The following TFEB variants were observed in gnomAD, a reference collection of about 807,000 sequenced individuals.
TFEB encodes the protein transcription factor EB.
TFEB carries 12 observed loss-of-function variants against 48.0 expected under a neutral mutation model. The ratio of observed to expected loss-of-function variants is 0.25; its 90% CI spans 0.16 to 0.40. The LOEUF is 0.40. Ranked by LOEUF, TFEB falls within the 10% of genes least tolerant of loss-of-function variation. TFEB has a pLI of 1.00. For missense variants in TFEB, 509 were observed against 640.3 expected (o/e 0.79, Z 2.21); for synonymous variants, 244 against 261.4 (o/e 0.93, Z 0.64).
At chr6:41,736,126 T>C (rs777680609), upstream of TFEB, 7 of 1,612,908 alleles carry the variant, frequency 4.3e-6, no homozygotes, top group East Asian at 1.6e-4. Context: ...TTATGGGTTC[T>C]ACATTCACGC....
intron 4 of TFEB, chr6:41,688,279 A>T: frequency 2.2e-6 from 1 of 457,386 alleles, no homozygotes; most frequent in Non-Finnish European, 3.9e-6. Context: ...ATAATATGTG[A>T]TAGGATTAGG....
At chr6:41,690,135 C>CT (rs58821024) in intron 3 of TFEB, among the ~76,000 whole-genome samples, 171 of 145,784 alleles carry the variant, frequency 1.2e-3, no homozygotes, top group Middle Eastern at 3.6e-3. Flanking sequence ...TTTCTTTTTT[C>CT]TTTTTTTTTT....
At chr6:41,728,719 G>C (rs1045611195) in intron 1 of TFEB, among the ~76,000 whole-genome samples, 1 of 152,092 alleles carries the variant, frequency 6.6e-6, no homozygotes, top group African/African-American at 2.4e-5. Flanking sequence ...ACTCTCTGTG[G>C]GGAGGAACAG....
chr6:41,723,339 C>A lies in TFEB; in HGVS notation c.-23+12011G>T. The A allele has an allele frequency of 3.4e-6, 2 of 592,898 alleles. No homozygotes were observed. Among genetic ancestry groups the A allele is most frequent in the South Asian group, 1.6e-5 (1 of 63,408 alleles). The allele number at this position is 592,898 out of a possible 1,614,324, so 36.7% of individuals were successfully genotyped here. A position where few individuals can be genotyped will look rare whatever the true frequency, so the allele number is the denominator to read the frequency against. On this transcript the variant is annotated intron_variant, in intron 1 of 8. Transcript: ENST00000373033. The surrounding 1 kb of genome is among the most constrained non-coding windows in gnomAD (Gnocchi z 6.0). Reference sequence around the variant, plus strand: ...CCCTACCCACCCACCTCCCCAAAGACACCACACGCATGCACATACACTCAC... The same window carrying A: ...CCCTACCCACCCACCTCCCCAAAGAAACCACACGCATGCACATACACTCAC...
At chr6:41,725,972 G>T (rs1020083650) in intron 1 of TFEB, among the ~76,000 whole-genome samples, 3 of 152,174 alleles carry the variant, frequency 2.0e-5, no homozygotes, top group African/African-American at 7.2e-5. Flanking sequence ...GGCCAGGCCC[G>T]GCGGCTCACG....
intron 1 of TFEB, among the ~76,000 whole-genome samples, chr6:41,714,109 A>G (rs1169569751): frequency 1.4e-5 from 2 of 139,262 alleles, no homozygotes; most frequent in Non-Finnish European, 3.1e-5. Flanking sequence ...GTGTGTGTGC[A>G]CGTGTGTGTG....
chr6:41,724,630 G>A lies in TFEB; in HGVS notation c.-23+10720C>T, dbSNP rs1771130018. ...GGACCTCTGGCTCCCGCCCCTTGCC[G>A]CCCGAGACCTGCAATGGGGCCTCAG... On this transcript the variant is annotated intron_variant, in intron 1 of 8. Coordinates refer to ENST00000373033, the MANE Select transcript of TFEB (RefSeq NM_001271944.2). This position sits in a 1 kb window ranked among gnomAD's most constrained non-coding sequence, Gnocchi z 4.4. Among the ~76,000 whole-genome samples, 1 of 152,108 alleles carries A rather than the reference G, an allele frequency of 6.6e-6. No individual in the cohort carries two copies. The highest frequency in any genetic ancestry group is 2.1e-4 in the South Asian group (1 of 4,826).
chr6:41,689,862 G>C, intron 3 of TFEB, 51 bp from the exon 4 acceptor site: 1 of 1,488,344 alleles, frequency 6.7e-7, no homozygotes, highest in Non-Finnish European at 9.4e-7. Context: ...AGGTGGGCAG[G>C]GGAAAGAGGC....
At chr6:41,700,389 C>G (rs1366731369) in intron 1 of TFEB, among the ~76,000 whole-genome samples, 1 of 151,554 alleles carries the variant, frequency 6.6e-6, no homozygotes, top group South Asian at 2.1e-4. Flanking sequence ...TGGCGTGAAC[C>G]CGGGAGGCGG....
chr6:41,714,709 C>G (rs1770657657), intron 1 of TFEB, among the ~76,000 whole-genome samples: 1 of 152,298 alleles, frequency 6.6e-6, no homozygotes, highest in South Asian at 2.1e-4. Context: ...TGCGGGGAGA[C>G]TGGGGCAGCG....
chr6:41,719,163 C>T (rs1231040762), intron 1 of TFEB, among the ~76,000 whole-genome samples: 3 of 152,166 alleles, frequency 2.0e-5, no homozygotes, highest in Non-Finnish European at 2.9e-5. Flanking sequence ...AGGTTGCATG[C>T]TCCTTAGGAG....
At chr6:41,703,755 T>G (rs1302822446) in intron 1 of TFEB, among the ~76,000 whole-genome samples, 1 of 152,256 alleles carries the variant, frequency 6.6e-6, no homozygotes, top group Admixed American at 6.5e-5. Context: ...GCACACTGAG[T>G]GCGTACTCTG....
chr6:41,711,375 C>G (rs1770468034), intron 1 of TFEB, among the ~76,000 whole-genome samples: 1 of 152,162 alleles, frequency 6.6e-6, no homozygotes, highest in Non-Finnish European at 1.5e-5. Flanking sequence ...ACCGCTGTGG[C>G]CTTAGGTGAA....
At chr6:41,712,871 G>C (rs1018250729) in intron 1 of TFEB, among the ~76,000 whole-genome samples, 1 of 152,160 alleles carries the variant, frequency 6.6e-6, no homozygotes, top group Non-Finnish European at 1.5e-5. Flanking sequence ...CTCTTTCCAG[G>C]GGTGAGCAAG....
intron 1 of TFEB, among the ~76,000 whole-genome samples, chr6:41,701,876 C>T (rs2127456896): frequency 6.8e-6 from 1 of 146,618 alleles, no homozygotes; most frequent in East Asian, 2.0e-4. Flanking sequence ...ACTCAGGAGG[C>T]AGAGGTTGTA....
At chr6:41,700,337 G>A (rs1239652017) in intron 1 of TFEB, among the ~76,000 whole-genome samples, 1 of 152,058 alleles carries the variant, frequency 6.6e-6, no homozygotes, top group African/African-American at 2.4e-5. Context: ...ATGGTGGCGG[G>A]CGCCTGTAGT....
intron 4 of TFEB, among the ~76,000 whole-genome samples, 153 bp downstream of exon 4, chr6:41,689,578 T>C (rs1007936597): frequency 6.6e-6 from 1 of 152,168 alleles, no homozygotes; most frequent in Non-Finnish European, 1.5e-5. Context: ...CCGGCCTTTG[T>C]CACATTATTT....
rs184825172 is a variant in TFEB at position 41,708,029 on chromosome 6, G to C, written c.-22-16794C>G. On this transcript the variant is annotated intron_variant, in intron 1 of 8. Transcript: ENST00000373033. ...AGCACGTCTGTACCTCCCTCTAGGA[G>C]AGGATGCCATGCCACAGGGGCATTG... Among the ~76,000 whole-genome samples the C allele has an allele frequency of 3.5e-3, 529 of 152,382 alleles. 5 individuals carry two copies. The highest frequency in any genetic ancestry group is 0.011 in the African/African-American group (475 of 41,596).
intron 1 of TFEB, among the ~76,000 whole-genome samples, chr6:41,693,745 G>A (rs913485054): frequency 6.6e-6 from 1 of 152,054 alleles, no homozygotes; most frequent in African/African-American, 2.4e-5. Context: ...AGCTACCAAC[G>A]GGGCAGTCCC....
Sources: gnomAD v4.1 joint callset for allele counts (sites outside exome capture counted in the v4.1 genomes callset) on GRCh38, gnomAD v4.1.1 for gene constraint, Gnocchi (gnomAD v3.1) non-coding constraint, MANE v1.5 for transcripts, NCBI Gene and HGNC (gene_info 2026-07-23, HGNC 2026-07-21) for gene names.